The following HIBADH variants were observed in gnomAD, a reference collection of about 807,000 sequenced individuals.
The protein encoded by HIBADH is 3-hydroxyisobutyrate dehydrogenase.
Under a neutral mutation model 36.1 loss-of-function variants are expected in HIBADH, and 25 were observed. That is an observed-to-expected ratio of 0.69 (90% CI 0.50 to 0.97). The LOEUF is 0.97. Ranked by LOEUF, HIBADH falls within the 50% of genes least tolerant of loss-of-function variation. HIBADH has a pLI of 0.00. For synonymous variants in HIBADH, 160 were observed against 149.5 expected (o/e 1.07, Z -0.51); for missense variants, 421 against 418.0 (o/e 1.01, Z -0.06).
chr7:27,630,871 G>C (rs1320693948), intron 3 of HIBADH, among the ~76,000 whole-genome samples: 1 of 152,090 alleles, frequency 6.6e-6, no homozygotes, highest in Admixed American at 6.6e-5. Context: ...GAGTATGTAG[G>C]TTTCTCTTTA....
chr7:27,608,622 G>A (rs759272), intron 4 of HIBADH, among the ~76,000 whole-genome samples: 31,778 of 152,014 alleles, frequency 0.21, 4,180 homozygotes, highest in East Asian at 0.41. Context: ...ATGCTATCCA[G>A]GGATCACAAA....
chr7:27,632,507 A>G (rs1785764790), intron 2 of HIBADH, 62 bp from the exon 3 acceptor site: 2 of 1,115,432 alleles, frequency 1.8e-6, no homozygotes, highest in Non-Finnish European at 2.7e-6. Context: ...TCTAGAGCAC[A>G]AACAGGATCC....
intron 2 of HIBADH, among the ~76,000 whole-genome samples, chr7:27,639,995 T>C (rs1219683235): frequency 1.3e-5 from 2 of 152,178 alleles, no homozygotes; most frequent in Non-Finnish European, 1.5e-5. Flanking sequence ...GTCTGAACTA[T>C]GTGAGGTTTG....
In HIBADH at chr7:27,567,311, T is replaced by C. The variant is rs1336278924; in HGVS notation, c.485-24211A>G. Among the ~76,000 whole-genome samples the C allele has an allele frequency of 5.3e-5, 8 of 152,206 alleles. No individual in the cohort carries two copies. In the East Asian group the frequency reaches 9.6e-4, roughly 18 times the overall value. ...CTATACCTTTGGTAATTTTCCTTGC[T>C]CTTTGTTTTGACTAGTATTTACATG... On this transcript the variant is annotated intron_variant, in intron 4 of 7. Transcript: ENST00000265395.
intron 4 of HIBADH, among the ~76,000 whole-genome samples, chr7:27,553,739 A>G (rs1784352960): frequency 6.6e-6 from 1 of 152,208 alleles, no homozygotes; most frequent in South Asian, 2.1e-4. Flanking sequence ...AAACTCCTGA[A>G]AGCTAAATAG....
Position 27,656,749 on chromosome 7 carries a change from TAAAATGAAA to T in HIBADH, c.91+5940_91+5948del, listed in dbSNP as rs1176419984. On this transcript the variant is annotated intron_variant, in intron 1 of 7. Transcript: ENST00000265395. The stretch of plus-strand genomic sequence containing the variant: ...GTAACTTTTGTAACTACTTTTATAA[TAAAATGAAA>T]TAAATGAAGTGGCACAGTGAAATTT... 1.3e-5 allele frequency among the ~76,000 whole-genome samples: 2 copies of T among 152,180 alleles called. 1 individual carries two copies. The highest frequency in any genetic ancestry group is 3.8e-4 in the East Asian group (2 of 5,200).
chr7:27,530,918 A>G (rs1000199291), intron 7 of HIBADH, among the ~76,000 whole-genome samples: 2 of 152,116 alleles, frequency 1.3e-5, no homozygotes, highest in Admixed American at 6.5e-5. Flanking sequence ...GCTCATATAA[A>G]TAAACCCAAG....
intron 4 of HIBADH, among the ~76,000 whole-genome samples, chr7:27,560,209 C>T (rs1784444881): frequency 6.6e-6 from 1 of 152,218 alleles, no homozygotes; most frequent in Non-Finnish European, 1.5e-5. Flanking sequence ...GCAACCTTCA[C>T]TGCCTAGGTT....
At chr7:27,607,496 A>G (rs1243281868) in intron 4 of HIBADH, among the ~76,000 whole-genome samples, 1 of 152,182 alleles carries the variant, frequency 6.6e-6, no homozygotes, top group African/African-American at 2.4e-5. Flanking sequence ...GCAGCAGACC[A>G]AGACTTTGTC....
intron 4 of HIBADH, among the ~76,000 whole-genome samples, chr7:27,622,579 C>G (rs1354695998): frequency 6.6e-6 from 1 of 151,876 alleles, no homozygotes; most frequent in Non-Finnish European, 1.5e-5. Flanking sequence ...CAAATAAAAT[C>G]AAATGAAAAA....
chr7:27,541,132 C>CTT (rs60000681), intron 5 of HIBADH, among the ~76,000 whole-genome samples: 2 of 144,284 alleles, frequency 1.4e-5, no homozygotes, highest in Non-Finnish European at 3.0e-5. Flanking sequence ...TTCGAGCATC[C>CTT]TTTTTTTTTT....
chr7:27,542,081 G>A (rs183316488), intron 5 of HIBADH, among the ~76,000 whole-genome samples: 41 of 152,206 alleles, frequency 2.7e-4, no homozygotes, highest in South Asian at 1.5e-3. Flanking sequence ...CTTTATAACA[G>A]ATTTGTGCAT....
At chr7:27,618,284 C>A (rs1024955276) in intron 4 of HIBADH, among the ~76,000 whole-genome samples, 1 of 152,204 alleles carries the variant, frequency 6.6e-6, no homozygotes, top group Admixed American at 6.5e-5. Context: ...GGCCTCCATG[C>A]TAAGGCTCAC....
intron 1 of HIBADH, among the ~76,000 whole-genome samples, chr7:27,650,027 A>G (rs1554301265): frequency 1.3e-5 from 2 of 152,070 alleles, no homozygotes; most frequent in Non-Finnish European, 2.9e-5. Context: ...AATTTTAAGC[A>G]TTTTTCCTGT....
At chr7:27,590,720 A>C (rs1411936686) in intron 4 of HIBADH, among the ~76,000 whole-genome samples, 7 of 152,240 alleles carry the variant, frequency 4.6e-5, no homozygotes, top group Admixed American at 4.6e-4. Context: ...GTCCCAGATA[A>C]GGATCTCACT....
chr7:27,582,294 T>C (rs1784804736), intron 4 of HIBADH, among the ~76,000 whole-genome samples: 1 of 152,170 alleles, frequency 6.6e-6, no homozygotes, highest in Admixed American at 6.6e-5. Context: ...TCATTTCTTC[T>C]GCTTAGTGTG....
rs1190633022 is a variant in HIBADH at position 27,596,190 on chromosome 7, T to C, written c.484+33181A>G. On this transcript the variant is annotated intron_variant, in intron 4 of 7. Coordinates refer to ENST00000265395, the MANE Select transcript of HIBADH (RefSeq NM_152740.4). ...CCAGCTCTGCCTCCAAGAAGGCACC[T>C]TGAATGCTGTGTCCTCTGGAGGGGA... is the stretch of plus-strand genomic sequence containing the variant. Among the ~76,000 whole-genome samples, 6 of 152,320 alleles carry C rather than the reference T, an allele frequency of 3.9e-5. No individual in the cohort carries two copies. In the East Asian group the frequency reaches 1.2e-3, roughly 29 times the overall value.
intron 4 of HIBADH, among the ~76,000 whole-genome samples, chr7:27,584,674 C>T (rs1034185067): frequency 6.6e-6 from 1 of 151,962 alleles, no homozygotes; most frequent in African/African-American, 2.4e-5. Flanking sequence ...GTAGCAGGAT[C>T]GTTTGGGGCA....
At chr7:27,597,127 G>A (rs1302285172) in intron 4 of HIBADH, among the ~76,000 whole-genome samples, 5 of 152,118 alleles carry the variant, frequency 3.3e-5, no homozygotes, top group African/African-American at 1.2e-4. Context: ...AGTACATAGA[G>A]AAAGATTTTA....
Sources: allele counts gnomAD v4.1 joint callset (sites outside exome capture counted in the v4.1 genomes callset), GRCh38; gene constraint gnomAD v4.1.1; transcripts MANE v1.5; gene names NCBI Gene and HGNC (gene_info 2026-07-23, HGNC 2026-07-21).